The following FRMD5 variants were observed in gnomAD, a reference collection of about 807,000 sequenced individuals.
FRMD5 encodes the protein FERM domain containing 5.
A neutral mutation model predicts 69.0 loss-of-function variants in FRMD5; 20 were observed. That is an observed-to-expected ratio of 0.29 (90% CI 0.20 to 0.42). FRMD5 has a LOEUF of 0.42. FRMD5 is among the 10% of genes least tolerant of loss of function. FRMD5 has a pLI of 1.00. For missense variants in FRMD5, 595 were observed against 708.6 expected, an observed-to-expected ratio of 0.84 and a Z score of 1.82; for synonymous variants, 271 against 260.1, an observed-to-expected ratio of 1.04 and a Z score of -0.40.
intron 1 of FRMD5, among the ~76,000 whole-genome samples, chr15:43,997,201 G>A (rs1268452198): frequency 6.6e-6 from 1 of 151,758 alleles, no homozygotes; most frequent in Non-Finnish European, 1.5e-5. Flanking sequence ...AGGCCTGAAG[G>A]GTAACTCCCA....
chr15:44,118,055 T>A (rs923542744), intron 1 of FRMD5, among the ~76,000 whole-genome samples: 2 of 144,544 alleles, frequency 1.4e-5, no homozygotes, highest in African/African-American at 5.3e-5. Flanking sequence ...CAAAGACTAA[T>A]GAAGCTTGCT....
intron 1 of FRMD5, among the ~76,000 whole-genome samples, chr15:44,028,344 C>T (rs572911104): frequency 1.2e-4 from 18 of 152,110 alleles, no homozygotes; most frequent in Non-Finnish European, 2.4e-4. Context: ...CCAGACTATG[C>T]GAGATGGAAG....
chr15:44,077,427 C>T (rs1293668369), intron 1 of FRMD5, among the ~76,000 whole-genome samples: 1 of 151,644 alleles, frequency 6.6e-6, no homozygotes, highest in African/African-American at 2.4e-5. Flanking sequence ...ACTGCATTGT[C>T]AAAAAACTAA....
intron 1 of FRMD5, among the ~76,000 whole-genome samples, chr15:44,029,302 C>A (rs551011149): frequency 9.5e-5 from 13 of 137,484 alleles, no homozygotes; most frequent in Admixed American, 3.2e-4. Context: ...GATAACACTG[C>A]TGCATCCTTT....
At chr15:44,095,229 G>T (rs1470152962) in intron 1 of FRMD5, among the ~76,000 whole-genome samples, 3 of 150,776 alleles carry the variant, frequency 2.0e-5, no homozygotes, top group East Asian at 2.0e-4. Context: ...TTGAGTCAGG[G>T]TCTTGCTCTG....
chr15:43,954,484 G>T (rs971408722), intron 1 of FRMD5, among the ~76,000 whole-genome samples: 5 of 152,188 alleles, frequency 3.3e-5, no homozygotes, highest in Non-Finnish European at 7.3e-5. Context: ...GAGCTGGGTG[G>T]CCAAAGTAAG....
chr15:44,007,635 TA>T (rs1890512344), intron 1 of FRMD5, among the ~76,000 whole-genome samples: 7 of 116,722 alleles, frequency 6.0e-5, no homozygotes, highest in South Asian at 3.1e-4. Context: ...ATTAATTAAC[TA>T]ATTTTTTTTT....
At chr15:44,142,307 C>T (rs1057315135) in intron 1 of FRMD5, among the ~76,000 whole-genome samples, 6 of 152,156 alleles carry the variant, frequency 3.9e-5, no homozygotes, top group African/African-American at 1.4e-4. Context: ...TTGCTTGTTG[C>T]ATTTCCATGA....
chr15:44,018,933 T>C (rs1375475912), intron 1 of FRMD5, among the ~76,000 whole-genome samples: 1 of 152,136 alleles, frequency 6.6e-6, no homozygotes, highest in Non-Finnish European at 1.5e-5. Flanking sequence ...TCTCACTCTG[T>C]CACCCAGGCT....
intron 7 of FRMD5, among the ~76,000 whole-genome samples, chr15:43,894,526 G>A (rs2088869240): frequency 6.6e-6 from 1 of 152,222 alleles, no homozygotes; most frequent in African/African-American, 2.4e-5. Flanking sequence ...GTGAGGCAGA[G>A]GCACGGAAGG....
chr15:43,923,203 A>T (rs2089526879), intron 2 of FRMD5, among the ~76,000 whole-genome samples: 1 of 152,268 alleles, frequency 6.6e-6, no homozygotes, highest in Non-Finnish European at 1.5e-5. Flanking sequence ...GAAAATATTT[A>T]TTGAACACCA....
At chr15:43,894,364 G>C (rs2088865387) in intron 7 of FRMD5, among the ~76,000 whole-genome samples, 1 of 152,166 alleles carries the variant, frequency 6.6e-6, no homozygotes, top group Non-Finnish European at 1.5e-5. Flanking sequence ...GAGACTGGGA[G>C]TGGAGACCTT....
chr15:44,116,432 T>C (rs538207579), intron 1 of FRMD5, among the ~76,000 whole-genome samples: 1 of 152,170 alleles, frequency 6.6e-6, no homozygotes, highest in African/African-American at 2.4e-5. Flanking sequence ...CAAATATATT[T>C]CTTTGGCTTT....
chr15:43,893,009 C>G (rs2088828273), intron 7 of FRMD5, among the ~76,000 whole-genome samples: 1 of 151,624 alleles, frequency 6.6e-6, no homozygotes, highest in Non-Finnish European at 1.5e-5. Context: ...GAGGCTGAGA[C>G]AGGAGAATTG....
intron 1 of FRMD5, among the ~76,000 whole-genome samples, chr15:44,173,752 G>A (rs1352821048): frequency 1.3e-5 from 2 of 152,040 alleles, no homozygotes; most frequent in African/African-American, 2.4e-5. Context: ...GAGCTCAAGC[G>A]ATCCTCCCAT....
intron 1 of FRMD5, among the ~76,000 whole-genome samples, chr15:44,132,663 A>G (rs1188439621): frequency 1.3e-5 from 2 of 152,152 alleles, no homozygotes; most frequent in Non-Finnish European, 2.9e-5. Context: ...TGCTGGACTC[A>G]AGCGATCCTC....
chr15:44,045,646 C>CTATATAGTGTACTATATT (rs1366909962), intron 1 of FRMD5, among the ~76,000 whole-genome samples: 1 of 152,024 alleles, frequency 6.6e-6, no homozygotes, highest in African/African-American at 2.4e-5. Context: ...CTTCAATAGA[C>CTATATAGTGTACTATATT]AGTACACTAA....
At chr15:44,181,929 C>G (rs1479718966) in intron 1 of FRMD5, among the ~76,000 whole-genome samples, 12 of 152,108 alleles carry the variant, frequency 7.9e-5, no homozygotes, top group African/African-American at 2.9e-4. Context: ...AATAATATCA[C>G]CATATCATAA....
intron 7 of FRMD5, 48 bp downstream of exon 7, chr15:43,902,127 C>T (rs376140234): frequency 7.1e-7 from 1 of 1,401,266 alleles, no homozygotes; most frequent in African/African-American, 1.4e-5. Context: ...GCTCCTGATG[C>T]CTTCTAGAGG....
Sources: allele counts gnomAD v4.1 joint callset (sites outside exome capture counted in the v4.1 genomes callset), GRCh38; gene constraint gnomAD v4.1.1; transcripts MANE v1.5; gene names NCBI Gene and HGNC (gene_info 2026-07-23, HGNC 2026-07-21).